Variants in SLC45A4 observed in about 807,000 individuals in gnomAD.
SLC45A4 encodes solute carrier family 45 member 4, also known as polyamine-transporter SLC45A4.
In SLC45A4, 32 loss-of-function variants were observed where a neutral mutation model predicts 63.7. The ratio of observed to expected loss-of-function variants is 0.50; its 90% CI spans 0.38 to 0.67. The LOEUF (loss-of-function observed/expected upper bound fraction) is 0.67. Among genes scored for constraint, SLC45A4 ranks in the 30% least tolerant of loss-of-function variants. SLC45A4 has a pLI of 0.00. For missense variants in SLC45A4, 1,027 were observed against 1,157.7 expected, an observed-to-expected ratio of 0.89 and a Z score of 1.64; for synonymous variants, 535 against 510.0, an observed-to-expected ratio of 1.05 and a Z score of -0.66.
At chr8:141,284,498 C>T (rs531578435) in intron 1 of SLC45A4, among the ~76,000 whole-genome samples, 77 of 152,338 alleles carry the variant, frequency 5.1e-4, no homozygotes, top group African/African-American at 1.8e-3. Context: ...CCAGGAGGGC[C>T]GCTGAAAACA....
At chr8:141,234,664 C>T (rs1283426399) in intron 2 of SLC45A4, among the ~76,000 whole-genome samples, 1 of 152,178 alleles carries the variant, frequency 6.6e-6, no homozygotes, top group African/African-American at 2.4e-5. Flanking sequence ...TTCTCCTGCG[C>T]GCTGCCAGGA....
rs201461110 is a variant in SLC45A4, at chr8:141,218,308, G to A, written c.1332C>T (p.Asn444=). 1.8e-4 allele frequency: 285 copies of A among 1,606,534 alleles called. No homozygotes were observed. Among genetic ancestry groups the A allele is most frequent in the Non-Finnish European group, 4.8e-5 (57 of 1,179,850 alleles). ...GSHCYRYRRA[N]AVVLIKPSRS... ...GCGACGGCTTGATCAGCACCACGGCGTTGGCGCGCCGGTAGCGGTAGCAGT... is the reference window on the plus strand; with the variant it reads ...GCGACGGCTTGATCAGCACCACGGCATTGGCGCGCCGGTAGCGGTAGCAGT... The change falls in exon 5 of 9, where the codon AAC becomes AAT. Residue 444 remains asparagine, a synonymous_variant. Transcript: ENST00000517878.
chr8:141,214,632 C>A (rs1225401036), intron 7 of SLC45A4, among the ~76,000 whole-genome samples: 2 of 152,170 alleles, frequency 1.3e-5, no homozygotes, highest in Non-Finnish European at 2.9e-5. Context: ...ATAGCCAAGA[C>A]AATCTTGAAG....
chr8:141,294,368 C>T (rs1318329782), intron 1 of SLC45A4, among the ~76,000 whole-genome samples: 3 of 152,236 alleles, frequency 2.0e-5, no homozygotes, highest in African/African-American at 7.2e-5. Context: ...GGGGCCAGCC[C>T]CTGCCTAGAA....
chr8:141,212,483 T>A lies in SLC45A4; in HGVS notation c.2015A>T (p.Tyr672Phe). 1 of 1,613,908 alleles carries A rather than the reference T, an allele frequency of 6.2e-7. No individual in the cohort carries two copies. The highest frequency in any genetic ancestry group is 8.5e-7 in the Non-Finnish European group (1 of 1,180,016). Residue 672 changes from tyrosine (Y) to phenylalanine (F), a missense_variant, in exon 8 of 9, where the codon TAC becomes TTC. Transcript: ENST00000517878. ...IDCAILSCQV[Y>F]ISQILVASAL... is the part of the protein sequence containing the mutation. ...AGAGGCCACCAGGATCTGCGAGATG[T>A]ACACTTGGCAGGACAGGATGGCACA... is the stretch of plus-strand genomic sequence containing the variant.
At chr8:141,282,592 G>T (rs553469558) in intron 1 of SLC45A4, among the ~76,000 whole-genome samples, 3 of 152,250 alleles carry the variant, frequency 2.0e-5, no homozygotes, top group Non-Finnish European at 4.4e-5. Context: ...CGTGGATGCG[G>T]TCCTCCCTTT....
intron 2 of SLC45A4, among the ~76,000 whole-genome samples, chr8:141,246,211 C>T (rs1828184902): frequency 6.6e-6 from 1 of 152,210 alleles, no homozygotes; most frequent in Non-Finnish European, 1.5e-5. Context: ...CAGGGGGAAG[C>T]AGTGCAAAGA....
At chr8:141,300,693 C>T (rs899815789) in intron 1 of SLC45A4, among the ~76,000 whole-genome samples, 27 of 152,232 alleles carry the variant, frequency 1.8e-4, no homozygotes, top group South Asian at 1.4e-3. Flanking sequence ...TAAAGTCTGG[C>T]CATGTCAGTC....
rs112764389 is a variant in SLC45A4, at chr8:141,251,566, G to A, written c.241+2423C>T. Among the ~76,000 whole-genome samples, 19 of 152,076 alleles carry A rather than the reference G, an allele frequency of 1.2e-4. 1 individual carries two copies. Among genetic ancestry groups the A allele is most frequent in the African/African-American group, 4.1e-4 (17 of 41,480 alleles). ...GAATAAATGCAGAATCACACACAGA[G>A]GAGAGAACAAGAGTGCGAGCTGCGC... On this transcript the variant is annotated intron_variant, in intron 2 of 8. Coordinates refer to ENST00000517878, the MANE Select transcript of SLC45A4 (RefSeq NM_001286646.2).
intron 1 of SLC45A4, among the ~76,000 whole-genome samples, chr8:141,269,927 G>A (rs1829447725): frequency 6.6e-6 from 1 of 152,122 alleles, no homozygotes; most frequent in Admixed American, 6.5e-5. Context: ...CACAGCAGAG[G>A]CAGCCCAGTG....
At chr8:141,279,122 G>A (rs1829843298) in intron 1 of SLC45A4, among the ~76,000 whole-genome samples, 1 of 152,234 alleles carries the variant, frequency 6.6e-6, no homozygotes, top group African/African-American at 2.4e-5. Context: ...AGGCTCTGCT[G>A]GTTCTCCTCT....
rs1827202597 is a variant in SLC45A4, at chr8:141,229,126, G to A, written c.242-7361C>T. 6.6e-6 allele frequency among the ~76,000 whole-genome samples: 1 copy of A among 152,090 alleles called. No individual in the cohort carries two copies. Among genetic ancestry groups the A allele is most frequent in the Non-Finnish European group, 1.5e-5 (1 of 68,022 alleles). On this transcript the variant is annotated intron_variant, in intron 2 of 8. Coordinates refer to ENST00000517878, the MANE Select transcript of SLC45A4 (RefSeq NM_001286646.2). This position sits in a 1 kb window ranked among gnomAD's most constrained non-coding sequence, Gnocchi z 5.0. The stretch of plus-strand genomic sequence containing the variant: ...TTACCTGACATTCAATAACTGCTTA[G>A]TGCCCTTAAAAGAGCTGCACTCTCA...
chr8:141,228,590 C>G, intron 2 of SLC45A4: 1 of 1,161,126 alleles, frequency 8.6e-7, no homozygotes, highest in East Asian at 4.7e-5. Flanking sequence ...GCCACCCATT[C>G]TCGGCTCTTT....
intron 1 of SLC45A4, among the ~76,000 whole-genome samples, chr8:141,255,716 AAAAAAC>A (rs1828741936): frequency 6.9e-6 from 1 of 145,452 alleles, no homozygotes; most frequent in Non-Finnish European, 1.5e-5. Context: ...ACCCTGTCTC[AAAAAAC>A]AAAAACAAAA....
At position 141,210,038 on chromosome 8, in the gene SLC45A4, C is replaced by G. The variant is rs926218312; in HGVS notation, c.*1534G>C. 1 of 152,242 alleles carries G rather than the reference C, an allele frequency of 6.6e-6. No individual in the cohort carries two copies. The highest frequency in any genetic ancestry group is 1.5e-5 in the Non-Finnish European group (1 of 68,062). 9.4% of individuals were successfully genotyped at this position (152,242 alleles called of 1,614,324 possible). On this transcript the variant is annotated 3_prime_UTR_variant, in exon 9 of 9. Coordinates refer to ENST00000517878, the MANE Select transcript of SLC45A4 (RefSeq NM_001286646.2). Reference sequence around the variant, plus strand: ...GGGTCGGATCTTGATTCGGGTCAGGCCACTGCCACCCCACATCCGCTGCTT... The same window carrying G: ...GGGTCGGATCTTGATTCGGGTCAGGGCACTGCCACCCCACATCCGCTGCTT...
rs1176359318 is a variant in SLC45A4, at chr8:141,257,000, C to A, written c.-400-2371G>T. ...TCCTGAGTAGCTGGGATTACAGGCA[C>A]ATGCCACCACGCCCAGCTAACTTTT... On this transcript the variant is annotated intron_variant, in intron 1 of 8. Transcript: ENST00000517878. The surrounding 1 kb of genome is among the most constrained non-coding windows in gnomAD (Gnocchi z 4.3). Among the ~76,000 whole-genome samples, 2 of 152,092 alleles carry A rather than the reference C, an allele frequency of 1.3e-5. No homozygotes were observed. Among genetic ancestry groups the A allele is most frequent in the Non-Finnish European group, 2.9e-5 (2 of 68,026 alleles).
chr8:141,223,265 G>C (rs1377317994), intron 2 of SLC45A4, among the ~76,000 whole-genome samples: 1 of 152,206 alleles, frequency 6.6e-6, no homozygotes, highest in Non-Finnish European at 1.5e-5. Context: ...CAGCAGAAAG[G>C]ACTGATGTTT....
Position 141,211,683 on chromosome 8 carries a change from A to C in SLC45A4, c.2316T>G (p.Ile772Met). Residue 772 changes from isoleucine (I) to methionine (M), a missense_variant, in exon 9 of 9, where the codon ATT becomes ATG. Transcript: ENST00000517878. The stretch of plus-strand genomic sequence containing the variant: ...AATGTGACGAGATCTGACAGACGTC[A>C]ATACCTGCAGGCGTCTACAGAGAGG... Reference protein sequence around the residue: ...VETESVTPAGIDVCQISSHWL... With the variant: ...VETESVTPAGMDVCQISSHWL... 1 of 1,595,930 alleles carries C rather than the reference A, an allele frequency of 6.3e-7. No homozygotes were observed. Among genetic ancestry groups the C allele is most frequent in the Non-Finnish European group, 8.5e-7 (1 of 1,170,942 alleles).
intron 2 of SLC45A4, among the ~76,000 whole-genome samples, chr8:141,250,834 GTCC>G (rs370202632): frequency 1.3e-3 from 205 of 152,274 alleles, no homozygotes; most frequent in African/African-American, 4.7e-3. Flanking sequence ...ATCTGTATTT[GTCC>G]TCCTAAATTA....
Sources: allele counts gnomAD v4.1 joint callset (sites outside exome capture counted in the v4.1 genomes callset), GRCh38; gene constraint gnomAD v4.1.1; non-coding constraint Gnocchi (gnomAD v3.1); transcripts MANE v1.5; gene names NCBI Gene and HGNC (gene_info 2026-07-23, HGNC 2026-07-21).